The following TRIP10 variants were observed in gnomAD, a reference collection of about 807,000 sequenced individuals.
TRIP10 encodes the protein thyroid hormone receptor interactor 10, also known as cdc42-interacting protein 4.
TRIP10 carries 54 observed loss-of-function variants against 80.9 expected under a neutral mutation model. That is an observed-to-expected ratio of 0.67 (90% CI 0.54 to 0.84). The LOEUF is 0.84. Among genes scored for constraint, TRIP10 ranks in the 40% least tolerant of loss-of-function variants. TRIP10 has a pLI of 0.00. For synonymous variants in TRIP10, 321 were observed against 307.2 expected (o/e 1.04, Z -0.47); for missense variants, 773 against 815.3 (o/e 0.95, Z 0.63).
Position 6,746,301 on chromosome 19 carries a change from C to T in TRIP10, c.1152+105C>T, listed in dbSNP as rs1969130639. The T allele has an allele frequency of 4.0e-6, 6 of 1,491,162 alleles. No individual in the cohort carries two copies. In the South Asian group the frequency reaches 6.7e-5, roughly 17 times the overall value. The allele number at this position is 1,491,162 out of a possible 1,614,324, so 92.4% of individuals were successfully genotyped here. On this transcript the variant is annotated intron_variant, in intron 10 of 14. Coordinates refer to ENST00000313244, the MANE Select transcript of TRIP10 (RefSeq NM_001288962.2). This position sits in a 1 kb window ranked among gnomAD's most constrained non-coding sequence, Gnocchi z 6.2. ...CTGCCGCTGGCTGGGCCCCTCTTCCCTGGTTGCCCAACCCAGACCTGCTTT... is the reference window on the plus strand; with the variant it reads ...CTGCCGCTGGCTGGGCCCCTCTTCCTTGGTTGCCCAACCCAGACCTGCTTT...
At chr19:6,740,675 T>G in intron 1 of TRIP10, 2 of 249,018 alleles carry the variant, frequency 8.0e-6, no homozygotes. Flanking sequence ...GCCGGCCGGA[T>G]TTTCCGGAAT....
chr19:6,739,738 TGCGGCG>T lies in TRIP10; in HGVS notation c.-13_-8del, dbSNP rs753346859. 41 of 1,348,806 alleles carry T rather than the reference TGCGGCG, an allele frequency of 3.0e-5. No individual in the cohort carries two copies. The South Asian group carries it at 7.1e-4, about 23-fold the overall frequency. 83.6% of individuals were successfully genotyped at this position (1,348,806 alleles called of 1,614,324 possible). ...GGCGGGGACCGGGTGCGGTGGTGGC[TGCGGCG>T]GCGGCGGCGGGAGCAGCATGGATTG... On this transcript the variant is annotated 5_prime_UTR_variant, in exon 1 of 15. Coordinates refer to ENST00000313244, the MANE Select transcript of TRIP10 (RefSeq NM_001288962.2).
Position 6,745,675 on chromosome 19 carries a change from C to A in TRIP10, c.985-354C>A, listed in dbSNP as rs889739179. 3.7e-5 allele frequency: 36 copies of A among 985,144 alleles called. No individual in the cohort carries two copies. Among genetic ancestry groups the A allele is most frequent in the Middle Eastern group, 5.2e-4 (1 of 1,936 alleles). The allele number at this position is 985,144 out of a possible 1,614,324, so 61.0% of individuals were successfully genotyped here. On this transcript the variant is annotated intron_variant, in intron 9 of 14. Coordinates refer to ENST00000313244, the MANE Select transcript of TRIP10 (RefSeq NM_001288962.2). This position sits in a 1 kb window ranked among gnomAD's most constrained non-coding sequence, Gnocchi z 7.2. ...AGCTAAGTGGACAGAGAGACATGGG[C>A]CTCCCTGCCTCCTGGACCCATGCTT...
At chr19:6,743,350 G>T in intron 5 of TRIP10, 94 bp downstream of exon 5, 1 of 1,551,778 alleles carries the variant, frequency 6.4e-7, no homozygotes, top group Non-Finnish European at 8.8e-7. Flanking sequence ...TGTCAGACCT[G>T]GACCTTCCCT....
Position 6,744,622 on chromosome 19 carries a change from C to CGAGCTGGAG in TRIP10, c.713_721dup (p.Glu238_Glu240dup). The CGAGCTGGAG allele has an allele frequency of 6.2e-7, 1 of 1,613,772 alleles. No individual in the cohort carries two copies. Among genetic ancestry groups the CGAGCTGGAG allele is most frequent in the Non-Finnish European group, 8.5e-7 (1 of 1,179,866 alleles). The stretch of plus-strand genomic sequence containing the variant: ...CCGGGTATGGGCTCCTGTCGGAGGC[C>CGAGCTGGAG]GAGCTGGAGGTGGTGCCCATAATAG... On this transcript the variant is annotated inframe_insertion, in exon 8 of 15. Transcript: ENST00000313244. This position sits in a 1 kb window ranked among gnomAD's most constrained non-coding sequence, Gnocchi z 4.9.
At position 6,741,137 on chromosome 19, in the gene TRIP10, G is replaced by A. The variant is rs1418177725; in HGVS notation, c.140+12G>A. The A allele has an allele frequency of 1.2e-6, 2 of 1,614,154 alleles. No individual in the cohort carries two copies. The highest frequency in any genetic ancestry group is 2.2e-5 in the South Asian group (2 of 91,086). Reference sequence around the variant, plus strand: ...GCCAAACAACTGCGGTGAGACCCTGGGGTGGACGCTACGGAGGACGCGCCT... The same window carrying A: ...GCCAAACAACTGCGGTGAGACCCTGAGGTGGACGCTACGGAGGACGCGCCT... On this transcript the variant is annotated intron_variant, in intron 2 of 14. Transcript: ENST00000313244.
At chr19:6,743,905 C>T in intron 7 of TRIP10, 69 bp downstream of exon 7, 5 of 1,573,922 alleles carry the variant, frequency 3.2e-6, no homozygotes, top group Non-Finnish European at 4.3e-6. Flanking sequence ...CCTACGCATT[C>T]ATCAAAACCC....
intron 1 of TRIP10, chr19:6,740,688 G>A (rs1281779044): frequency 3.0e-5 from 8 of 265,002 alleles, no homozygotes; most frequent in Non-Finnish European, 5.1e-5. Context: ...TCCGGAATCC[G>A]GGGGGATTAG....
At position 6,744,714 on chromosome 19, in the gene TRIP10, C is replaced by G; in HGVS notation, c.789+14C>G. The G allele has an allele frequency of 6.3e-7, 1 of 1,592,720 alleles. No individual in the cohort carries two copies. Among genetic ancestry groups the G allele is most frequent in the African/African-American group, 1.3e-5 (1 of 74,692 alleles). On this transcript the variant is annotated intron_variant, in intron 8 of 14. Transcript: ENST00000313244. This position sits in a 1 kb window ranked among gnomAD's most constrained non-coding sequence, Gnocchi z 4.9. ...GATCCCAAGAACGTGGGTGCCTGGT[C>G]TGGGTCCACTGGGCTACGGGAAGGG...
At position 6,746,095 on chromosome 19, in the gene TRIP10, T is replaced by TC. The variant is rs1198295818; in HGVS notation, c.1057dup (p.Arg353ProfsTer5). The stretch of plus-strand genomic sequence containing the variant: ...CTCGGCATTGCCTAACGGACCCCCG[T>TC]CCCCCCGCTCCGGCCGTGACCCCTT... On this transcript the variant is annotated frameshift_variant, in exon 10 of 15. Transcript: ENST00000313244. LOFTEE classifies it high-confidence loss of function. This position sits in a 1 kb window ranked among gnomAD's most constrained non-coding sequence, Gnocchi z 6.2. 1.1e-5 allele frequency: 16 copies of TC among 1,409,574 alleles called. No individual in the cohort carries two copies. Among genetic ancestry groups the TC allele is most frequent in the East Asian group, 6.7e-5 (2 of 29,826 alleles). The allele number at this position is 1,409,574 out of a possible 1,614,324, so 87.3% of individuals were successfully genotyped here. A position where few individuals can be genotyped will look rare whatever the true frequency, so the allele number is the denominator to read the frequency against.
intron 6 of TRIP10, 51 bp from the exon 7 acceptor site, chr19:6,743,657 A>G (rs1197462734): frequency 4.3e-6 from 7 of 1,611,438 alleles, no homozygotes; most frequent in African/African-American, 1.3e-5. Context: ...GGGGAGTCCG[A>G]GTGGGACGTG....
chr19:6,745,085 C>T lies in TRIP10; in HGVS notation c.984+91C>T, dbSNP rs962608629. 53 of 1,450,172 alleles carry T rather than the reference C, an allele frequency of 3.7e-5. No individual in the cohort carries two copies. Among genetic ancestry groups the T allele is most frequent in the South Asian group, 1.7e-4 (12 of 72,064 alleles). The allele number at this position is 1,450,172 out of a possible 1,614,324, so 89.8% of individuals were successfully genotyped here. A position where few individuals can be genotyped will look rare whatever the true frequency, so the allele number is the denominator to read the frequency against. ...ATTGAGTCAGCCCCAGCCGCCTGAA[C>T]GCCGAGTCTCGGGCAGGAATTTTCC... On this transcript the variant is annotated intron_variant, in intron 9 of 14. Coordinates refer to ENST00000313244, the MANE Select transcript of TRIP10 (RefSeq NM_001288962.2). This position sits in a 1 kb window ranked among gnomAD's most constrained non-coding sequence, Gnocchi z 7.2.
At position 6,745,871 on chromosome 19, in the gene TRIP10, T is replaced by G. The variant is rs902407586; in HGVS notation, c.985-158T>G. The stretch of plus-strand genomic sequence containing the variant: ...ATCTTGAGTTGTGGTTTTCTTACCG[T>G]TTTTTTTCTTTCTCCATTTTGTTTT... On this transcript the variant is annotated intron_variant, in intron 9 of 14. Coordinates refer to ENST00000313244, the MANE Select transcript of TRIP10 (RefSeq NM_001288962.2). This position sits in a 1 kb window ranked among gnomAD's most constrained non-coding sequence, Gnocchi z 7.2. 72 of 984,762 alleles carry G rather than the reference T, an allele frequency of 7.3e-5. 1 individual carries two copies. In the African/African-American group the frequency reaches 1.2e-3, roughly 17 times the overall value. The allele number at this position is 984,762 out of a possible 1,614,324, so 61.0% of individuals were successfully genotyped here. A position where few individuals can be genotyped will look rare whatever the true frequency, so the allele number is the denominator to read the frequency against.
At chr19:6,750,159 G>A (rs1306860162) in intron 12 of TRIP10, 93 bp downstream of exon 12, 5 of 1,565,412 alleles carry the variant, frequency 3.2e-6, no homozygotes, top group African/African-American at 1.4e-5. Context: ...GGAGGTGTTC[G>A]GAGCGGGGGG....
Position 6,751,161 on chromosome 19 carries a change from G to A in TRIP10, c.1756G>A (p.Gly586Arg). ...CTGGACCCGGGTCAGGCGGAAAGAGGGAGGCGAGGGCTACGTGCCCACCTC... is the reference window on the plus strand; with the variant it reads ...CTGGACCCGGGTCAGGCGGAAAGAGAGAGGCGAGGGCTACGTGCCCACCTC... ...DGWTRVRRKE[G>R]GEGYVPTSYL... Residue 586 changes from glycine (G) to arginine (R), a missense_variant, in exon 15 of 15, where the codon GGA becomes AGA. Coordinates refer to ENST00000313244, the MANE Select transcript of TRIP10 (RefSeq NM_001288962.2). The A allele has an allele frequency of 6.2e-7, 1 of 1,613,858 alleles. No individual in the cohort carries two copies. Among genetic ancestry groups the A allele is most frequent in the Non-Finnish European group, 8.5e-7 (1 of 1,179,922 alleles).
At position 6,746,151 on chromosome 19, in the gene TRIP10, C is replaced by G. The variant is rs1262994525; in HGVS notation, c.1107C>G (p.Val369=). The change falls in exon 10 of 15, where the codon GTC becomes GTG. Residue 369 remains valine (V), a synonymous_variant. Coordinates refer to ENST00000313244, the MANE Select transcript of TRIP10 (RefSeq NM_001288962.2). This position sits in a 1 kb window ranked among gnomAD's most constrained non-coding sequence, Gnocchi z 6.2. The part of the protein sequence containing the change: ...LAILSEISKS[V]KPRLASFRSL... Reference sequence around the variant, plus strand: ...TACTGAGCGAGATCAGTAAGTCGGTCAAACCGAGGCTAGCATCCTTCCGCA... The same window carrying G: ...TACTGAGCGAGATCAGTAAGTCGGTGAAACCGAGGCTAGCATCCTTCCGCA... The G allele has an allele frequency of 2.7e-5, 41 of 1,547,158 alleles. No homozygotes were observed. In the East Asian group the frequency reaches 1.0e-3, roughly 38 times the overall value.
chr19:6,750,662 G>C, intron 14 of TRIP10, 29 bp downstream of exon 14: 1 of 1,611,952 alleles, frequency 6.2e-7, no homozygotes, highest in Non-Finnish European at 8.5e-7. Flanking sequence ...GGCTTGGCGG[G>C]GTATGGGAGG....
Position 6,745,750 on chromosome 19 carries a change from A to G in TRIP10, c.985-279A>G. On this transcript the variant is annotated intron_variant, in intron 9 of 14. Transcript: ENST00000313244. This position sits in a 1 kb window ranked among gnomAD's most constrained non-coding sequence, Gnocchi z 7.2. ...ACCTAGGAGATACCGGGGGAGTGAG[A>G]GTTCTGGCTTTCGGGCTTACAGTTC... is the stretch of plus-strand genomic sequence containing the variant. 1 of 984,864 alleles carries G rather than the reference A, an allele frequency of 1.0e-6. No individual in the cohort carries two copies. The highest frequency in any genetic ancestry group is 1.2e-6 in the Non-Finnish European group (1 of 829,848). The allele number at this position is 984,864 out of a possible 1,614,324, so 61.0% of individuals were successfully genotyped here.
Position 6,751,404 on chromosome 19 carries a change from A to C in TRIP10, c.*193A>C. ...CCGCTGTGCCTTCTACCATCGTTCC[A>C]CCATTGATGTACATACTCATGTTTT... is the stretch of plus-strand genomic sequence containing the variant. On this transcript the variant is annotated 3_prime_UTR_variant, in exon 15 of 15. Transcript: ENST00000313244. 7.6e-7 allele frequency: 1 copy of C among 1,307,648 alleles called. No individual in the cohort carries two copies. Among genetic ancestry groups the C allele is most frequent in the Non-Finnish European group, 9.9e-7 (1 of 1,007,118 alleles). The allele number at this position is 1,307,648 out of a possible 1,614,324, so 81.0% of individuals were successfully genotyped here.
Sources: gnomAD v4.1 joint callset for allele counts on GRCh38, gnomAD v4.1.1 for gene constraint, Gnocchi (gnomAD v3.1) non-coding constraint, MANE v1.5 for transcripts, NCBI Gene and HGNC (gene_info 2026-07-23, HGNC 2026-07-21) for gene names.